Variants in FAM234B observed in about 807,000 individuals in gnomAD.
The protein encoded by FAM234B is family with sequence similarity 234 member B.
In FAM234B, 33 loss-of-function variants were observed where a neutral mutation model predicts 69.3. The observed-to-expected ratio is 0.48, with a 90% CI of 0.36 to 0.64. The LOEUF (loss-of-function observed/expected upper bound fraction) is 0.64. Among genes scored for constraint, FAM234B ranks in the 30% least tolerant of loss-of-function variants. The probability of loss-of-function intolerance (pLI) is 0.00; values close to 1 mark genes in which losing one functional copy is unlikely to be tolerated. For missense variants in FAM234B, 697 were observed against 769.7 expected (o/e 0.91, Z 1.12); for synonymous variants, 306 against 306.9 (o/e 1.00, Z 0.03).
rs1865042609 is a variant in FAM234B at position 13,066,709 on chromosome 12, A to G, written c.922A>G (p.Ile308Val). The G allele has an allele frequency of 1.2e-6, 2 of 1,614,042 alleles. No individual in the cohort carries two copies. Among genetic ancestry groups the G allele is most frequent in the South Asian group, 1.1e-5 (1 of 91,078 alleles). Residue 308 changes from isoleucine (I) to valine (V), a missense_variant, in exon 6 of 13, where the codon ATC (isoleucine) becomes GTC (valine). Around this residue, in one of 3 missense-constraint regions of FAM234B, gnomAD observed 380 missense variants for 447.1 expected, o/e 0.85. Transcript: ENST00000197268. Reference sequence around the variant, plus strand: ...AGTGGGTCGACCTGTGAAGTACAACATCGTTGGAGTTGGGAATCTGATTGG... The same window carrying G: ...AGTGGGTCGACCTGTGAAGTACAACGTCGTTGGAGTTGGGAATCTGATTGG... ...NPVGRPVKYN[I>V]VGVGNLIGPQ...
At chr12:13,056,011 T>A in intron 2 of FAM234B, 65 bp downstream of exon 2, 1 of 1,440,050 alleles carries the variant, frequency 6.9e-7, no homozygotes, top group Non-Finnish European at 9.2e-7. Flanking sequence ...TACATTTAAA[T>A]TTTCCTCCAA....
chr12:13,048,275 G>T (rs1041701915), intron 1 of FAM234B, among the ~76,000 whole-genome samples: 1 of 152,212 alleles, frequency 6.6e-6, no homozygotes, highest in African/African-American at 2.4e-5. Context: ...ATCTTTGCCT[G>T]ATTTTTGTTC....
rs565159987 is a variant in FAM234B at position 13,066,119 on chromosome 12, A to G, written c.853-521A>G. On this transcript the variant is annotated intron_variant, in intron 5 of 12. Coordinates refer to ENST00000197268, the MANE Select transcript of FAM234B (RefSeq NM_020853.2). Reference sequence around the variant, plus strand: ...CAGCAGAGTAGAATAGTTGCTACAGAGATCATCTAGCTGGCAAAGGCTAAA... The same window carrying G: ...CAGCAGAGTAGAATAGTTGCTACAGGGATCATCTAGCTGGCAAAGGCTAAA... Among the ~76,000 whole-genome samples the G allele has an allele frequency of 2.0e-5, 3 of 152,344 alleles. No individual in the cohort carries two copies. The East Asian group carries it at 5.8e-4, about 29-fold the overall frequency.
chr12:13,061,852 C>T, intron 4 of FAM234B, 89 bp downstream of exon 4: 3 of 1,097,488 alleles, frequency 2.7e-6, no homozygotes, highest in Non-Finnish European at 4.0e-6. Flanking sequence ...CCTTTTGACT[C>T]TCACGTGGTG....
At position 13,082,033 on chromosome 12, in the gene FAM234B, A is replaced by G. The variant is rs1487580840; in HGVS notation, c.*1403A>G. 7.4e-6 allele frequency: 1 copy of G among 135,880 alleles called. No homozygotes were observed. Among genetic ancestry groups the G allele is most frequent in the Non-Finnish European group, 1.5e-5 (1 of 66,254 alleles). The allele number at this position is 135,880 out of a possible 1,614,324, so 8.4% of individuals were successfully genotyped here. A position where few individuals can be genotyped will look rare whatever the true frequency, so the allele number is the denominator to read the frequency against. On this transcript the variant is annotated 3_prime_UTR_variant, in exon 13 of 13. Transcript: ENST00000197268. ...GAGTGCAGTGGCACAATCTCGGCTCACTGCAACCTTCGCCTCCTGGGTTCA... is the reference window on the plus strand; with the variant it reads ...GAGTGCAGTGGCACAATCTCGGCTCGCTGCAACCTTCGCCTCCTGGGTTCA...
intron 2 of FAM234B, among the ~76,000 whole-genome samples, chr12:13,057,073 G>A (rs964213289): frequency 6.0e-5 from 9 of 150,572 alleles, no homozygotes; most frequent in African/African-American, 1.2e-4. Context: ...CACCTCCCGC[G>A]TTCAGGTGAT....
intron 9 of FAM234B, among the ~76,000 whole-genome samples, chr12:13,070,308 G>T (rs996481919): frequency 6.6e-6 from 1 of 151,668 alleles, no homozygotes; most frequent in Non-Finnish European, 1.5e-5. Flanking sequence ...TGAAGTGCTT[G>T]TCTGTTTTTC....
At position 13,055,696 on chromosome 12, in the gene FAM234B, C is replaced by T; in HGVS notation, c.183C>T (p.Asp61=). 1 of 1,614,250 alleles carries T rather than the reference C, an allele frequency of 6.2e-7. No homozygotes were observed. The highest frequency in any genetic ancestry group is 8.5e-7 in the Non-Finnish European group (1 of 1,180,052). ...CTTTGGGAGAAGCGCCAGAACCCGA[C>T]TCAGATGCTGAGGTTGCAGAGGCTG... ...KSPLGEAPEP[D]SDAEVAEAAK... is the part of the protein sequence containing the mutation. The change falls in exon 2 of 13, where the codon GAC becomes GAT. Residue 61 remains aspartate, a synonymous_variant. Coordinates refer to ENST00000197268, the MANE Select transcript of FAM234B (RefSeq NM_020853.2).
At chr12:13,075,965 G>T in intron 10 of FAM234B, 61 bp from the exon 11 acceptor site, 1 of 1,172,826 alleles carries the variant, frequency 8.5e-7, no homozygotes. Flanking sequence ...TTCACCTGAG[G>T]ACTGTCACGT....
At chr12:13,065,871 G>T (rs959227761) in intron 5 of FAM234B, among the ~76,000 whole-genome samples, 6 of 152,166 alleles carry the variant, frequency 3.9e-5, no homozygotes, top group African/African-American at 1.4e-4. Context: ...AGTTCATGAT[G>T]ATAAACTTTG....
At position 13,080,535 on chromosome 12, in the gene FAM234B, G is replaced by C. The variant is rs1461239483; in HGVS notation, c.1864-90G>C. The C allele has an allele frequency of 4.7e-6, 5 of 1,065,762 alleles. No individual in the cohort carries two copies. In the African/African-American group the frequency reaches 6.3e-5, roughly 13 times the overall value. 66.0% of individuals were successfully genotyped at this position (1,065,762 alleles called of 1,614,324 possible). A position where few individuals can be genotyped will look rare whatever the true frequency, so the allele number is the denominator to read the frequency against. On this transcript the variant is annotated intron_variant, in intron 12 of 12. Transcript: ENST00000197268. ...AGCTAAAGAAAAGGACGGGAAAATA[G>C]AGAAATATTCTGACCTTTAGTTTTC...
intron 2 of FAM234B, among the ~76,000 whole-genome samples, chr12:13,057,470 A>C (rs1267834477): frequency 6.6e-6 from 1 of 150,640 alleles, no homozygotes; most frequent in Non-Finnish European, 1.5e-5. Flanking sequence ...TTTTTTTTAA[A>C]TAAATAAATG....
chr12:13,074,450 C>T (rs1170054141), intron 10 of FAM234B, among the ~76,000 whole-genome samples: 2 of 152,018 alleles, frequency 1.3e-5, no homozygotes, highest in South Asian at 2.1e-4. Flanking sequence ...CACCTAAGGA[C>T]GAGAAGTGTA....
At position 13,071,108 on chromosome 12, in the gene FAM234B, G is replaced by A. The variant is rs912953324; in HGVS notation, c.1369-133G>A. On this transcript the variant is annotated intron_variant, in intron 9 of 12. Transcript: ENST00000197268. ...TTCGTGCTCTCGGAACACCCAGTTT[G>A]CTTGCATCTTAAAAGCGCAGCGTGT... is the stretch of plus-strand genomic sequence containing the variant. 7 of 895,120 alleles carry A rather than the reference G, an allele frequency of 7.8e-6. No individual in the cohort carries two copies. In the African/African-American group the frequency reaches 8.2e-5, roughly 11 times the overall value. The allele number at this position is 895,120 out of a possible 1,614,324, so 55.4% of individuals were successfully genotyped here. A position where few individuals can be genotyped will look rare whatever the true frequency, so the allele number is the denominator to read the frequency against.
chr12:13,074,706 T>C (rs985887598), intron 10 of FAM234B, among the ~76,000 whole-genome samples: 1 of 152,190 alleles, frequency 6.6e-6, no homozygotes, highest in Admixed American at 6.5e-5. Flanking sequence ...TTTCTTCTCA[T>C]GTTAGCTGAG....
chr12:13,071,982 C>T (rs144230362), intron 10 of FAM234B, among the ~76,000 whole-genome samples: 1 of 152,288 alleles, frequency 6.6e-6, no homozygotes, highest in East Asian at 1.9e-4. Context: ...CAGGGTGCTA[C>T]CTGTTTTAGG....
intron 10 of FAM234B, among the ~76,000 whole-genome samples, chr12:13,074,600 GC>G (rs1865141143): frequency 6.6e-6 from 1 of 152,198 alleles, no homozygotes; most frequent in African/African-American, 2.4e-5. Flanking sequence ...AGTCATAGCA[GC>G]TCAGTCTGGA....
At chr12:13,077,105 G>C (rs959555267) in intron 11 of FAM234B, among the ~76,000 whole-genome samples, 1 of 152,148 alleles carries the variant, frequency 6.6e-6, no homozygotes, top group Non-Finnish European at 1.5e-5. Context: ...TGATTGGGGG[G>C]TGGGGGCAGG....
At chr12:13,071,213 T>C (rs1865101707) in intron 9 of FAM234B, 28 bp from the exon 10 acceptor site, 3 of 1,612,478 alleles carry the variant, frequency 1.9e-6, no homozygotes, top group South Asian at 1.1e-5. Flanking sequence ...GGCCTGGCCA[T>C]GTTTACTGTC....
Sources: allele counts gnomAD v4.1 joint callset (sites outside exome capture counted in the v4.1 genomes callset), GRCh38; gene constraint gnomAD v4.1.1; regional missense constraint gnomAD v4.1.1; transcripts MANE v1.5; gene names NCBI Gene and HGNC (gene_info 2026-07-23, HGNC 2026-07-21).